The following CAB39 variants were observed in gnomAD, a reference collection of about 807,000 sequenced individuals.
The protein encoded by CAB39 is calcium-binding protein 39.
Under a neutral mutation model 40.0 loss-of-function variants are expected in CAB39, and 8 were observed. That is an observed-to-expected ratio of 0.20 (90% confidence interval 0.12 to 0.36). The LOEUF is 0.36. Ranked by LOEUF, CAB39 falls within the 10% of genes least tolerant of loss-of-function variation. The pLI is 1.00. For synonymous variants in CAB39, 156 were observed against 141.6 expected (o/e 1.10, Z -0.72); for missense variants, 270 against 401.1 (o/e 0.67, Z 2.79).
At chr2:230,776,880 G>A (rs948129888) in intron 2 of CAB39, among the ~76,000 whole-genome samples, 8 of 152,064 alleles carry the variant, frequency 5.3e-5, no homozygotes, top group East Asian at 1.9e-4. Context: ...GTTGAGACGG[G>A]GTTTCACCGT....
intron 1 of CAB39, among the ~76,000 whole-genome samples, chr2:230,721,602 G>C (rs1414325039): frequency 1.3e-5 from 2 of 152,142 alleles, no homozygotes; most frequent in Admixed American, 6.5e-5. Flanking sequence ...TAAGTTCCAC[G>C]TAAAGCCGTG....
intron 1 of CAB39, among the ~76,000 whole-genome samples, chr2:230,739,496 T>C (rs1694839879): frequency 6.6e-6 from 1 of 152,204 alleles, no homozygotes; most frequent in South Asian, 2.1e-4. Flanking sequence ...GAAACTATAA[T>C]TTGAAGTCTT....
chr2:230,768,958 G>T (rs1212545401), intron 2 of CAB39, among the ~76,000 whole-genome samples: 2 of 152,140 alleles, frequency 1.3e-5, no homozygotes, highest in African/African-American at 4.8e-5. Context: ...AAAAAACAGA[G>T]ATTGTCAGAT....
rs560205229 is a variant in CAB39 at position 230,791,188 on chromosome 2, T to A, written c.279+152T>A. 6.9e-6 allele frequency: 4 copies of A among 579,742 alleles called. No homozygotes were observed. In the East Asian group the frequency reaches 1.3e-4, roughly 18 times the overall value. 35.9% of individuals were successfully genotyped at this position (579,742 alleles called of 1,614,324 possible). A position where few individuals can be genotyped will look rare whatever the true frequency, so the allele number is the denominator to read the frequency against. ...AGCATGCCTGGGCTGCCTGCCTGAT[T>A]AGCAGAGCAAAGGCAGGAACCCAGG... is the stretch of plus-strand genomic sequence containing the variant. On this transcript the variant is annotated intron_variant, in intron 3 of 8. Transcript: ENST00000258418.
At chr2:230,782,360 TGTG>T in intron 2 of CAB39, among the ~76,000 whole-genome samples, 1 of 152,172 alleles carries the variant, frequency 6.6e-6, no homozygotes, top group South Asian at 2.1e-4. Context: ...ATCTTTAAAA[TGTG>T]GGAGGGGGGA....
At chr2:230,735,445 G>T (rs1169913496) in intron 1 of CAB39, among the ~76,000 whole-genome samples, 6 of 151,904 alleles carry the variant, frequency 3.9e-5, no homozygotes, top group African/African-American at 1.5e-4. Context: ...GGGATTATAG[G>T]CATGAGCCAC....
chr2:230,790,833 G>T (rs770702009), intron 2 of CAB39, 39 bp from the exon 3 acceptor site: 3 of 1,544,558 alleles, frequency 1.9e-6, no homozygotes, highest in South Asian at 1.2e-5. Context: ...AAAATGAATT[G>T]TTTTTTCTCC....
rs1227175409 is a variant in CAB39, at chr2:230,724,397, A to G, written c.-44+11167A>G. Among the ~76,000 whole-genome samples the G allele has an allele frequency of 1.3e-5, 2 of 151,202 alleles. 1 individual carries two copies. On this transcript the variant is annotated intron_variant, in intron 1 of 8. Coordinates refer to ENST00000258418, the MANE Select transcript of CAB39 (RefSeq NM_016289.4). ...TGCTGATACATTGTTTAAGACCTCT[A>G]TGGGCCGGGCACGGTGGCTCGCCCC...
At chr2:230,728,499 C>T (rs961139061) in intron 1 of CAB39, among the ~76,000 whole-genome samples, 2 of 152,048 alleles carry the variant, frequency 1.3e-5, no homozygotes, top group Admixed American at 1.3e-4. Context: ...TCGTGTTTTG[C>T]CATGTTGTCC....
At chr2:230,770,069 A>G (rs1006364120) in intron 2 of CAB39, among the ~76,000 whole-genome samples, 1 of 152,198 alleles carries the variant, frequency 6.6e-6, no homozygotes, top group African/African-American at 2.4e-5. Flanking sequence ...CTATGTTAAA[A>G]TATATTTAAA....
chr2:230,760,769 CT>C (rs1180324348), intron 2 of CAB39, among the ~76,000 whole-genome samples: 2 of 152,178 alleles, frequency 1.3e-5, no homozygotes, highest in Non-Finnish European at 2.9e-5. Flanking sequence ...GTGACTTGCC[CT>C]CTCTTCCCTA....
At chr2:230,727,757 C>G (rs1694612914) in intron 1 of CAB39, among the ~76,000 whole-genome samples, 1 of 152,040 alleles carries the variant, frequency 6.6e-6, no homozygotes, top group Admixed American at 6.6e-5. Context: ...AGGCCATGCC[C>G]TCGCAACCAG....
chr2:230,716,856 C>T (rs996586192), intron 1 of CAB39, among the ~76,000 whole-genome samples: 7 of 152,192 alleles, frequency 4.6e-5, no homozygotes, highest in South Asian at 2.1e-4. Context: ...AAAAATTAGC[C>T]GGGCATGGTG....
At chr2:230,744,500 G>T (rs751723459) in intron 1 of CAB39, among the ~76,000 whole-genome samples, 1 of 150,858 alleles carries the variant, frequency 6.6e-6, no homozygotes, top group Non-Finnish European at 1.5e-5. Flanking sequence ...CACCGTGTTG[G>T]CCAGGCTGGT....
chr2:230,799,374 T>G (rs1696044544), intron 5 of CAB39, among the ~76,000 whole-genome samples: 1 of 152,208 alleles, frequency 6.6e-6, no homozygotes, highest in African/African-American at 2.4e-5. Context: ...GATTCACCTC[T>G]CCCATCTCTG....
chr2:230,748,824 AAAAAAAAATATATATATATATATAT>A (rs1162287514), intron 1 of CAB39, among the ~76,000 whole-genome samples: 1 of 72,384 alleles, frequency 1.4e-5, no homozygotes, highest in African/African-American at 6.0e-5. Flanking sequence ...AAAAAAAAAA[AAAAAAAAATATATATATATATATAT>A]ATATATATAT....
At chr2:230,755,606 G>T (rs145390682) in intron 1 of CAB39, among the ~76,000 whole-genome samples, 1 of 152,276 alleles carries the variant, frequency 6.6e-6, no homozygotes, top group Admixed American at 6.5e-5. Flanking sequence ...TGTTTACTCT[G>T]CTAACTGTTC....
intron 2 of CAB39, among the ~76,000 whole-genome samples, chr2:230,776,782 C>T (rs1239777501): frequency 1.3e-5 from 2 of 152,032 alleles, no homozygotes; most frequent in African/African-American, 4.8e-5. Flanking sequence ...GCTCCACCTC[C>T]TGGGTTCATG....
chr2:230,780,422 T>C (rs985917723), intron 2 of CAB39, among the ~76,000 whole-genome samples: 4 of 152,172 alleles, frequency 2.6e-5, no homozygotes, highest in African/African-American at 9.7e-5. Flanking sequence ...CTCATGTCCT[T>C]TTTCTGAACC....
Sources: gnomAD v4.1 joint callset for allele counts (sites outside exome capture counted in the v4.1 genomes callset) on GRCh38, gnomAD v4.1.1 for gene constraint, MANE v1.5 for transcripts, NCBI Gene and HGNC (gene_info 2026-07-23, HGNC 2026-07-21) for gene names.